The following AACS variants were observed in gnomAD, a reference collection of about 807,000 sequenced individuals.
AACS encodes acetoacetate-CoA ligase.
Under a neutral mutation model 83.1 loss-of-function variants are expected in AACS, and 69 were observed. That is an observed-to-expected ratio of 0.83 (90% CI 0.68 to 1.01). The LOEUF (loss-of-function observed/expected upper bound fraction) is 1.01, where lower values mean the gene tolerates loss of function less well. Among genes scored for constraint, AACS ranks in the 50% least tolerant of loss-of-function variants. The pLI is 0.00. For synonymous variants in AACS, 333 were observed against 343.4 expected, an observed-to-expected ratio of 0.97 and a Z score of 0.33; for missense variants, 866 against 882.2, an observed-to-expected ratio of 0.98 and a Z score of 0.23.
At chr12:125,100,999 A>T (rs1956697980) in intron 5 of AACS, 1 of 152,218 alleles carries the variant, frequency 6.6e-6, no homozygotes, top group South Asian at 2.1e-4. Flanking sequence ...CCTTACTCAC[A>T]GGTTCTGGGG....
intron 1 of AACS, among the ~76,000 whole-genome samples, chr12:125,072,921 T>TG: frequency 7.4e-5 from 1 of 13,452 alleles, no homozygotes; most frequent in Non-Finnish European, 1.7e-4. Context: ...TAACTTTTGT[T>TG]TTTTTTTTTT....
At chr12:125,102,420 C>G (rs1444724875) in intron 5 of AACS, 1 of 389,798 alleles carries the variant, frequency 2.6e-6, no homozygotes, top group African/African-American at 2.1e-5. Context: ...TGATGATGCC[C>G]TTTCTCTCCC....
intron 1 of AACS, among the ~76,000 whole-genome samples, chr12:125,068,552 G>A (rs748778114): frequency 2.0e-5 from 3 of 152,188 alleles, no homozygotes; most frequent in Non-Finnish European, 4.4e-5. Flanking sequence ...CATTCCCAAC[G>A]TGGCAGCATT....
intron 14 of AACS, among the ~76,000 whole-genome samples, chr12:125,132,480 A>G (rs1295841828): frequency 6.6e-6 from 1 of 152,312 alleles, no homozygotes; most frequent in Non-Finnish European, 1.5e-5. Flanking sequence ...TGCAGCTCTC[A>G]TCTTCCAGGG....
In AACS at chr12:125,129,463, C is replaced by T. The variant is rs1456482678; in HGVS notation, c.1549+3C>T. On this transcript the variant is annotated splice_donor_region_variant and intron_variant, in intron 14 of 17. Transcript: ENST00000316519. The surrounding 1 kb of genome is among the most constrained non-coding windows in gnomAD (Gnocchi z 4.3). ...GGCGTATTTCTCCAAATTCCCAGGT[C>T]GGTTGGAGAGATGCAGACAGAGCTG... The T allele has an allele frequency of 7.4e-6, 12 of 1,612,586 alleles. No individual in the cohort carries two copies. Among genetic ancestry groups the T allele is most frequent in the South Asian group, 1.1e-5 (1 of 90,816 alleles).
rs1309276811 is a variant in AACS, at chr12:125,065,731, G to T, written c.133+14G>T. The T allele has an allele frequency of 1.3e-6, 2 of 1,520,596 alleles. No individual in the cohort carries two copies. The highest frequency in any genetic ancestry group is 1.2e-5 in the South Asian group (1 of 80,748). 94.2% of individuals were successfully genotyped at this position (1,520,596 alleles called of 1,614,324 possible). A position where few individuals can be genotyped will look rare whatever the true frequency, so the allele number is the denominator to read the frequency against. Reference sequence around the variant, plus strand: ...GCCTGGCGCTGGGTGAGAGTCGGGCGCGCGGCCGGGCCTGCGGGGGATGGG... The same window carrying T: ...GCCTGGCGCTGGGTGAGAGTCGGGCTCGCGGCCGGGCCTGCGGGGGATGGG... On this transcript the variant is annotated intron_variant, in intron 1 of 17. Transcript: ENST00000316519.
Position 125,134,047 on chromosome 12 carries a change from G to C in AACS, c.1594G>C (p.Gly532Arg). 1.9e-6 allele frequency: 3 copies of C among 1,614,020 alleles called. No homozygotes were observed. The highest frequency in any genetic ancestry group is 2.5e-6 in the Non-Finnish European group (3 of 1,179,990). ...CTACTGCAGAATCAACCCCAAGACCGGGGGCATCGTCATGCTTGGCCGGAG... is the reference window on the plus strand; with the variant it reads ...CTACTGCAGAATCAACCCCAAGACCCGGGGCATCGTCATGCTTGGCCGGAG... Reference protein sequence around the residue: ...GDYCRINPKTGGIVMLGRSDG... With the variant: ...GDYCRINPKTRGIVMLGRSDG... The change falls in exon 15 of 18, where the codon GGG (glycine) becomes CGG (arginine). Residue 532 changes from glycine (G) to arginine (R), a missense_variant. Physicochemically the swap from Gly to Arg is moderately radical, Grantham distance 125 (BLOSUM62 -2). Coordinates refer to ENST00000316519, the MANE Select transcript of AACS (RefSeq NM_023928.5).
chr12:125,128,386 G>A (rs1171647969), intron 13 of AACS, 112 bp downstream of exon 13: 1 of 928,434 alleles, frequency 1.1e-6, no homozygotes, highest in Non-Finnish European at 1.6e-6. Flanking sequence ...GCCCTCGGAG[G>A]GGAGGCCCCT....
At chr12:125,080,028 A>G (rs1201777668) in intron 3 of AACS, among the ~76,000 whole-genome samples, 1 of 152,208 alleles carries the variant, frequency 6.6e-6, no homozygotes. Context: ...AGCATGGATC[A>G]GTACTTCATT....
Position 125,130,235 on chromosome 12 carries a change from C to CTGCCTTGCG in AACS, c.1549+778_1549+786dup, listed in dbSNP as rs1299334813. Among the ~76,000 whole-genome samples the CTGCCTTGCG allele has an allele frequency of 2.0e-5, 3 of 152,246 alleles. No individual in the cohort carries two copies. The highest frequency in any genetic ancestry group is 4.4e-5 in the Non-Finnish European group (3 of 68,040). On this transcript the variant is annotated intron_variant, in intron 14 of 17. Transcript: ENST00000316519. This position sits in a 1 kb window ranked among gnomAD's most constrained non-coding sequence, Gnocchi z 4.9. ...TGGTAGGATTTGCCAGGTATCCTTC[C>CTGCCTTGCG]TGCCTTGCGTGTTTGCGTTTCACCG...
At chr12:125,100,866 G>C (rs975224817) in intron 5 of AACS, 1 of 152,194 alleles carries the variant, frequency 6.6e-6, no homozygotes, top group African/African-American at 2.4e-5. Context: ...AGGGAGCTCT[G>C]AAAACAAATG....
chr12:125,092,907 G>A (rs561623078), intron 5 of AACS, among the ~76,000 whole-genome samples: 5 of 152,352 alleles, frequency 3.3e-5, no homozygotes, highest in Admixed American at 2.0e-4. Flanking sequence ...GGGCCCCAGG[G>A]TGAGACGGCA....
chr12:125,129,469 G>T lies in AACS; in HGVS notation c.1549+9G>T. ...TTTCTCCAAATTCCCAGGTCGGTTG[G>T]AGAGATGCAGACAGAGCTGGCCAGC... On this transcript the variant is annotated intron_variant, in intron 14 of 17. Transcript: ENST00000316519. The surrounding 1 kb of genome is among the most constrained non-coding windows in gnomAD (Gnocchi z 4.3). 6.2e-7 allele frequency: 1 copy of T among 1,612,532 alleles called. No homozygotes were observed. The highest frequency in any genetic ancestry group is 8.5e-7 in the Non-Finnish European group (1 of 1,179,154).
chr12:125,134,970 G>A, intron 16 of AACS, 118 bp downstream of exon 16: 1 of 1,161,402 alleles, frequency 8.6e-7, no homozygotes, highest in Non-Finnish European at 1.2e-6. Flanking sequence ...TGGTGTGACA[G>A]TGGACATTTG....
intron 4 of AACS, among the ~76,000 whole-genome samples, chr12:125,088,601 A>G (rs1191401387): frequency 1.3e-5 from 2 of 152,216 alleles, no homozygotes; most frequent in Non-Finnish European, 2.9e-5. Flanking sequence ...TAATCTGTAC[A>G]CTTTTAAGGT....
chr12:125,108,357 C>T (rs563029149), intron 8 of AACS, among the ~76,000 whole-genome samples: 3 of 152,276 alleles, frequency 2.0e-5, no homozygotes, highest in East Asian at 3.9e-4. Flanking sequence ...CACGTGACAC[C>T]GCTGGTGTCT....
At chr12:125,116,182 A>T (rs1028690719) in intron 9 of AACS, among the ~76,000 whole-genome samples, 16 of 151,666 alleles carry the variant, frequency 1.1e-4, no homozygotes, top group African/African-American at 3.9e-4. Flanking sequence ...CAGGGCGGGA[A>T]GCCCGGGCAG....
Position 125,136,872 on chromosome 12 carries a change from C to T in AACS, c.1881+8C>T, listed in dbSNP as rs200840579. ...GAAACCAAGGGCATCCCGGTATGGCCATCTCCCGCCAGCGAGGAGACCGCA... is the reference window on the plus strand; with the variant it reads ...GAAACCAAGGGCATCCCGGTATGGCTATCTCCCGCCAGCGAGGAGACCGCA... On this transcript the variant is annotated splice_region_variant and intron_variant, in intron 17 of 17. Coordinates refer to ENST00000316519, the MANE Select transcript of AACS (RefSeq NM_023928.5). The T allele has an allele frequency of 5.0e-6, 8 of 1,611,672 alleles. No homozygotes were observed. The Admixed American group carries it at 6.7e-5, about 13-fold the overall frequency.
chr12:125,105,478 G>C (rs1448800137), intron 7 of AACS: 1 of 152,220 alleles, frequency 6.6e-6, no homozygotes, highest in African/African-American at 2.4e-5. Flanking sequence ...TTGTGCCCCA[G>C]GTGTATGGAT....
Sources: allele counts gnomAD v4.1 joint callset (sites outside exome capture counted in the v4.1 genomes callset), GRCh38; gene constraint gnomAD v4.1.1; non-coding constraint Gnocchi (gnomAD v3.1); transcripts MANE v1.5; gene names NCBI Gene and HGNC (gene_info 2026-07-23, HGNC 2026-07-21).